PRKCE: variants seen among roughly 807,000 people sequenced by gnomAD.
PRKCE encodes protein kinase C epsilon type.
PRKCE carries 16 observed loss-of-function variants against 85.4 expected under a neutral mutation model. The observed-to-expected ratio is 0.19, with a 90% CI of 0.13 to 0.28. PRKCE has a LOEUF of 0.28. Among genes scored for constraint, PRKCE ranks in the 10% least tolerant of loss-of-function variants. The pLI is 1.00. For synonymous variants in PRKCE, 388 were observed against 371.5 expected (o/e 1.04, Z -0.51); for missense variants, 573 against 975.2 (o/e 0.59, Z 5.49).
At chr2:45,804,800 T>A (rs1485283110) in intron 1 of PRKCE, among the ~76,000 whole-genome samples, 1 of 152,184 alleles carries the variant, frequency 6.6e-6, no homozygotes, top group Non-Finnish European at 1.5e-5. Flanking sequence ...GTATGGATGT[T>A]GGAAATCAGA....
chr2:46,025,879 A>G (rs2104911242), intron 10 of PRKCE, among the ~76,000 whole-genome samples: 1 of 152,022 alleles, frequency 6.6e-6, no homozygotes, highest in South Asian at 2.1e-4. Flanking sequence ...AACCACATTA[A>G]TCTCTGGGAG....
At chr2:45,977,528 T>G (rs1242433882) in intron 3 of PRKCE, among the ~76,000 whole-genome samples, 2 of 151,790 alleles carry the variant, frequency 1.3e-5, no homozygotes, top group African/African-American at 4.8e-5. Context: ...TCCCAGCTAC[T>G]TGGGAGGCTG....
chr2:45,967,332 T>G (rs1402484617), intron 2 of PRKCE, among the ~76,000 whole-genome samples: 1 of 152,262 alleles, frequency 6.6e-6, no homozygotes, highest in East Asian at 1.9e-4. Context: ...TTTGGCAGTA[T>G]TTTTTCTGTC....
At chr2:45,809,786 A>G (rs1688523039) in intron 1 of PRKCE, among the ~76,000 whole-genome samples, 1 of 151,362 alleles carries the variant, frequency 6.6e-6, no homozygotes, top group South Asian at 2.1e-4. Flanking sequence ...AGCCTGAGGC[A>G]GGAGGATTGC....
At chr2:45,768,111 G>A (rs1339865398) in intron 1 of PRKCE, among the ~76,000 whole-genome samples, 1 of 152,190 alleles carries the variant, frequency 6.6e-6, no homozygotes, top group Non-Finnish European at 1.5e-5. Flanking sequence ...AGATCATGGA[G>A]AAGAAACTCT....
chr2:45,721,308 G>A (rs1680600131), intron 1 of PRKCE, among the ~76,000 whole-genome samples: 1 of 152,164 alleles, frequency 6.6e-6, no homozygotes, highest in Admixed American at 6.6e-5. Context: ...TTGCCTTGGG[G>A]AAGCAAGACA....
intron 2 of PRKCE, among the ~76,000 whole-genome samples, chr2:45,915,502 C>T (rs1039299256): frequency 6.6e-6 from 1 of 152,144 alleles, no homozygotes; most frequent in Non-Finnish European, 1.5e-5. Context: ...ATTCAGCCTC[C>T]TTATCTTTAG....
intron 1 of PRKCE, among the ~76,000 whole-genome samples, chr2:45,730,723 G>A (rs1044547607): frequency 1.3e-5 from 2 of 151,970 alleles, no homozygotes; most frequent in African/African-American, 4.8e-5. Context: ...GCCTCCCAAA[G>A]TGCTAGGATT....
intron 1 of PRKCE, among the ~76,000 whole-genome samples, chr2:45,673,181 C>T (rs1295332634): frequency 6.6e-6 from 1 of 152,196 alleles, no homozygotes; most frequent in African/African-American, 2.4e-5. Context: ...TTTTGTGATT[C>T]AATCAGCCTA....
intron 1 of PRKCE, among the ~76,000 whole-genome samples, chr2:45,680,033 A>G (rs1000254184): frequency 4.6e-5 from 7 of 152,250 alleles, no homozygotes; most frequent in Admixed American, 2.0e-4. Context: ...GATGATAACT[A>G]TTAAACAAGA....
At chr2:45,742,209 A>T (rs750215866) in intron 1 of PRKCE, among the ~76,000 whole-genome samples, 1 of 152,214 alleles carries the variant, frequency 6.6e-6, no homozygotes, top group African/African-American at 2.4e-5. Context: ...CATATATCCA[A>T]TAAGGGTAAC....
At chr2:45,972,512 GTGT>G (rs1702175720) in intron 2 of PRKCE, among the ~76,000 whole-genome samples, 5 of 152,014 alleles carry the variant, frequency 3.3e-5, no homozygotes, top group Admixed American at 3.3e-4. Context: ...TGCCTTTTTG[GTGT>G]CATATCTAAG....
intron 1 of PRKCE, among the ~76,000 whole-genome samples, chr2:45,749,118 G>A (rs1157703680): frequency 3.9e-5 from 6 of 152,144 alleles, no homozygotes; most frequent in African/African-American, 1.2e-4. Flanking sequence ...TAGAACTCCC[G>A]GCTTCAAGTG....
At chr2:45,860,990 C>T (rs930193137) in intron 2 of PRKCE, among the ~76,000 whole-genome samples, 3 of 152,150 alleles carry the variant, frequency 2.0e-5, no homozygotes, top group African/African-American at 4.8e-5. Context: ...TTGATGCCAG[C>T]GCTTGTGTGC....
intron 2 of PRKCE, among the ~76,000 whole-genome samples, chr2:45,892,654 C>T (rs1244002490): frequency 6.6e-6 from 1 of 152,112 alleles, no homozygotes; most frequent in East Asian, 1.9e-4. Flanking sequence ...TTAAAGGCTG[C>T]CCTGGCGGTG....
intron 11 of PRKCE, among the ~76,000 whole-genome samples, chr2:46,102,363 T>A (rs960933602): frequency 6.6e-6 from 1 of 152,184 alleles, no homozygotes; most frequent in Non-Finnish European, 1.5e-5. Flanking sequence ...AAATTTCAGA[T>A]GTCTTTAAGA....
At chr2:45,691,767 G>C (rs998922878) in intron 1 of PRKCE, among the ~76,000 whole-genome samples, 18 of 152,208 alleles carry the variant, frequency 1.2e-4, no homozygotes, top group African/African-American at 4.3e-4. Flanking sequence ...GTGCTAATGA[G>C]TACAAGGTCA....
intron 2 of PRKCE, among the ~76,000 whole-genome samples, chr2:45,854,883 G>A (rs933611966): frequency 2.0e-5 from 3 of 152,122 alleles, no homozygotes; most frequent in African/African-American, 7.2e-5. Flanking sequence ...GGATGACAAG[G>A]GTTACAAGGA....
intron 6 of PRKCE, among the ~76,000 whole-genome samples, chr2:45,995,460 C>T (rs1704138197): frequency 6.6e-6 from 1 of 152,212 alleles, no homozygotes; most frequent in African/African-American, 2.4e-5. Flanking sequence ...TCTATATTAT[C>T]TTCAAGGAGT....
Sources: allele counts gnomAD v4.1 joint callset (sites outside exome capture counted in the v4.1 genomes callset), GRCh38; gene constraint gnomAD v4.1.1; transcripts MANE v1.5; gene names NCBI Gene and HGNC (gene_info 2026-07-23, HGNC 2026-07-21).